Variants in ARHGAP15 observed in about 807,000 individuals in gnomAD.
ARHGAP15 encodes rho GTPase-activating protein 15.
ARHGAP15 carries 51 observed loss-of-function variants against 63.7 expected under a neutral mutation model. The ratio of observed to expected loss-of-function variants is 0.80; its 90% confidence interval spans 0.64 to 1.01. The LOEUF is 1.01. Among genes scored for constraint, ARHGAP15 ranks in the 50% least tolerant of loss-of-function variants. The probability of loss-of-function intolerance (pLI) is 0.00; values close to 1 mark genes in which losing one functional copy is unlikely to be tolerated. For synonymous variants in ARHGAP15, 191 were observed against 193.8 expected, an observed-to-expected ratio of 0.99 and a Z score of 0.12; for missense variants, 560 against 564.6, an observed-to-expected ratio of 0.99 and a Z score of 0.08.
chr2:143,348,648 T>C (rs567714783), intron 6 of ARHGAP15, among the ~76,000 whole-genome samples: 22 of 152,280 alleles, frequency 1.4e-4, no homozygotes, highest in African/African-American at 4.6e-4. Context: ...TGTTGGTCTG[T>C]AGGTGTGAGC....
chr2:143,731,850 G>A (rs1685551766), intron 13 of ARHGAP15, among the ~76,000 whole-genome samples: 1 of 152,140 alleles, frequency 6.6e-6, no homozygotes, highest in Non-Finnish European at 1.5e-5. Context: ...CAACAACCAT[G>A]TAAAGTCATT....
intron 2 of ARHGAP15, among the ~76,000 whole-genome samples, chr2:143,201,460 A>G (rs1399589951): frequency 6.6e-6 from 1 of 151,972 alleles, no homozygotes; most frequent in Non-Finnish European, 1.5e-5. Flanking sequence ...AAATCAGGGT[A>G]ATTGGGGTAT....
At chr2:143,248,278 C>G (rs1002621437) in intron 5 of ARHGAP15, among the ~76,000 whole-genome samples, 1 of 152,018 alleles carries the variant, frequency 6.6e-6, no homozygotes, top group Non-Finnish European at 1.5e-5. Flanking sequence ...AGGAGCCAGC[C>G]GTGTGAAGAT....
At position 143,324,962 on chromosome 2, in the gene ARHGAP15, G is replaced by A. The variant is rs562435193; in HGVS notation, c.474+74362G>A. 2.0e-5 allele frequency among the ~76,000 whole-genome samples: 3 copies of A among 152,194 alleles called. No individual in the cohort carries two copies. The East Asian group carries it at 5.8e-4, about 29-fold the overall frequency. Reference sequence around the variant, plus strand: ...TGATTATAATGAATATTCAAAATTAGATTCATTCTCTAGCATGTGCACAAT... The same window carrying A: ...TGATTATAATGAATATTCAAAATTAAATTCATTCTCTAGCATGTGCACAAT... On this transcript the variant is annotated intron_variant, in intron 6 of 13. Transcript: ENST00000295095.
intron 10 of ARHGAP15, among the ~76,000 whole-genome samples, chr2:143,527,978 T>C (rs1006404601): frequency 2.0e-5 from 3 of 152,084 alleles, no homozygotes; most frequent in Non-Finnish European, 2.9e-5. Context: ...GAGTATATCA[T>C]ATTGTTCAAT....
chr2:143,302,103 T>C (rs1300634517), intron 6 of ARHGAP15, among the ~76,000 whole-genome samples: 1 of 151,998 alleles, frequency 6.6e-6, no homozygotes, highest in East Asian at 1.9e-4. Flanking sequence ...TAACCTCAAT[T>C]TGTTCACCTG....
chr2:143,300,331 C>T (rs1682839015), intron 6 of ARHGAP15, among the ~76,000 whole-genome samples: 1 of 151,970 alleles, frequency 6.6e-6, no homozygotes, highest in African/African-American at 2.4e-5. Flanking sequence ...ATTGCTAATA[C>T]TATATATAAT....
At chr2:143,313,428 A>T (rs1558885029) in intron 6 of ARHGAP15, among the ~76,000 whole-genome samples, 1 of 152,134 alleles carries the variant, frequency 6.6e-6, no homozygotes, top group Non-Finnish European at 1.5e-5. Flanking sequence ...GATTTTCTTT[A>T]TCTTCTATAT....
rs991740845 is a variant in ARHGAP15, at chr2:143,737,820, G to A, written c.1245-30169G>A. 6.6e-5 allele frequency among the ~76,000 whole-genome samples: 10 copies of A among 151,894 alleles called. No homozygotes were observed. The East Asian group carries it at 1.2e-3, about 18-fold the overall frequency. ...TGCCCAGGCTGGAGTGCAATGGCACGATCTCGGCTCACTGCAAGCTCCGCC... is the reference window on the plus strand; with the variant it reads ...TGCCCAGGCTGGAGTGCAATGGCACAATCTCGGCTCACTGCAAGCTCCGCC... On this transcript the variant is annotated intron_variant, in intron 13 of 13. Coordinates refer to ENST00000295095, the MANE Select transcript of ARHGAP15 (RefSeq NM_018460.4).
At chr2:143,502,218 A>C (rs1353623305) in intron 9 of ARHGAP15, among the ~76,000 whole-genome samples, 1 of 151,936 alleles carries the variant, frequency 6.6e-6, no homozygotes, top group Non-Finnish European at 1.5e-5. Context: ...AGATCAGCCT[A>C]GCCAACATGA....
chr2:143,740,961 T>C (rs1374765823), intron 13 of ARHGAP15: 1 of 152,142 alleles, frequency 6.6e-6, no homozygotes, highest in Non-Finnish European at 1.5e-5. Flanking sequence ...TTAGCAGCTA[T>C]ATTCAATGTA....
At chr2:143,649,406 T>C (rs1201882719) in intron 12 of ARHGAP15, among the ~76,000 whole-genome samples, 1 of 152,018 alleles carries the variant, frequency 6.6e-6, no homozygotes, top group Non-Finnish European at 1.5e-5. Context: ...ACTGCTTTCC[T>C]GACCGTAACT....
intron 6 of ARHGAP15, among the ~76,000 whole-genome samples, chr2:143,346,228 ACT>A (rs61184430): frequency 0.022 from 3,138 of 139,494 alleles, 59 homozygotes; most frequent in South Asian, 0.1. Context: ...TCTCACACAC[ACT>A]CTCTCTCACA....
intron 13 of ARHGAP15, among the ~76,000 whole-genome samples, chr2:143,704,887 G>A (rs1684255734): frequency 6.6e-6 from 1 of 152,108 alleles, no homozygotes; most frequent in South Asian, 2.1e-4. Context: ...TTAAGCAACA[G>A]TGATGCATTT....
chr2:143,299,765 A>T (rs1682813052), intron 6 of ARHGAP15, among the ~76,000 whole-genome samples: 1 of 152,008 alleles, frequency 6.6e-6, no homozygotes, highest in Non-Finnish European at 1.5e-5. Flanking sequence ...GTTTTCCATG[A>T]ATGTGTAAGT....
chr2:143,368,532 G>T (rs1193724537), intron 6 of ARHGAP15, among the ~76,000 whole-genome samples: 2 of 152,066 alleles, frequency 1.3e-5, no homozygotes, highest in Non-Finnish European at 2.9e-5. Flanking sequence ...GATCAGATTT[G>T]ATTTTGGAAT....
chr2:143,395,206 TAAATC>T (rs999207299), intron 6 of ARHGAP15, among the ~76,000 whole-genome samples: 1 of 152,270 alleles, frequency 6.6e-6, no homozygotes, highest in East Asian at 1.9e-4. Flanking sequence ...AAAGAGGAAT[TAAATC>T]AGATTGTGGG....
chr2:143,580,197 AAAG>A (rs1233434647), intron 11 of ARHGAP15, among the ~76,000 whole-genome samples: 1 of 151,844 alleles, frequency 6.6e-6, no homozygotes, highest in African/African-American at 2.4e-5. Flanking sequence ...AAGACAGGTG[AAAG>A]AAGTTGTCCC....
chr2:143,480,224 T>C (rs1692014186), intron 8 of ARHGAP15, among the ~76,000 whole-genome samples: 1 of 152,176 alleles, frequency 6.6e-6, no homozygotes, highest in South Asian at 2.1e-4. Flanking sequence ...AAGACATGGA[T>C]ACATAAATTC....
Sources: allele counts gnomAD v4.1 joint callset (sites outside exome capture counted in the v4.1 genomes callset), GRCh38; gene constraint gnomAD v4.1.1; transcripts MANE v1.5; gene names NCBI Gene and HGNC (gene_info 2026-07-23, HGNC 2026-07-21).